BBX: variants seen among roughly 807,000 people sequenced by gnomAD.
BBX encodes BBX high mobility group box domain containing, also known as HMG box transcription factor BBX.
A neutral mutation model predicts 100.2 loss-of-function variants in BBX; 30 were observed. The ratio of observed to expected loss-of-function variants is 0.30; its 90% CI spans 0.22 to 0.41. BBX has a LOEUF of 0.41. Ranked by LOEUF, BBX falls within the 10% of genes least tolerant of loss-of-function variation. BBX has a pLI of 1.00. For synonymous variants in BBX, 376 were observed against 388.1 expected, an observed-to-expected ratio of 0.97 and a Z score of 0.37; for missense variants, 1,023 against 1,129.8, an observed-to-expected ratio of 0.91 and a Z score of 1.35.
chr3:107,676,939 C>A (rs2059310990), intron 3 of BBX, among the ~76,000 whole-genome samples: 1 of 151,922 alleles, frequency 6.6e-6, no homozygotes, highest in South Asian at 2.1e-4. Context: ...TTAGCATTAT[C>A]CTGAAGCATT....
chr3:107,566,613 T>C (rs2050938720), intron 2 of BBX, among the ~76,000 whole-genome samples: 1 of 151,666 alleles, frequency 6.6e-6, no homozygotes, highest in Admixed American at 6.6e-5. Context: ...ATTTTTCCTA[T>C]GGTGGTTTTG....
At chr3:107,710,026 G>A (rs2061619680) in intron 3 of BBX, among the ~76,000 whole-genome samples, 1 of 152,222 alleles carries the variant, frequency 6.6e-6, no homozygotes, top group African/African-American at 2.4e-5. Context: ...AATGCCTGGG[G>A]GGCAAGCCCC....
intron 7 of BBX, among the ~76,000 whole-genome samples, chr3:107,734,750 G>T (rs1028833258): frequency 1.3e-5 from 2 of 152,098 alleles, no homozygotes; most frequent in Non-Finnish European, 2.9e-5. Context: ...GAAAAGCATG[G>T]TTTCTTTTTC....
intron 1 of BBX, chr3:107,523,789 C>G (rs1387908173): frequency 6.6e-6 from 1 of 152,478 alleles, no homozygotes; most frequent in Non-Finnish European, 1.5e-5. Flanking sequence ...GGAACAGCAG[C>G]CCAGTTGCTC....
chr3:107,609,537 G>A (rs925862886), intron 2 of BBX, among the ~76,000 whole-genome samples: 4 of 151,930 alleles, frequency 2.6e-5, no homozygotes, highest in Admixed American at 2.0e-4. Flanking sequence ...ACTTTATTAT[G>A]GCTTTGATCT....
chr3:107,623,781 A>C (rs1400079301), intron 2 of BBX, among the ~76,000 whole-genome samples: 4 of 152,196 alleles, frequency 2.6e-5, no homozygotes, highest in Admixed American at 2.0e-4. Context: ...AAAAAGATAA[A>C]ACATAAATAC....
At chr3:107,649,296 C>A (rs2057703117) in intron 3 of BBX, among the ~76,000 whole-genome samples, 1 of 152,058 alleles carries the variant, frequency 6.6e-6, no homozygotes, top group African/African-American at 2.4e-5. Flanking sequence ...TCAACATCTG[C>A]ATATCTTAAA....
chr3:107,723,304 G>A (rs1038542209), intron 5 of BBX, among the ~76,000 whole-genome samples: 1 of 151,968 alleles, frequency 6.6e-6, no homozygotes, highest in Non-Finnish European at 1.5e-5. Context: ...AGAACAGTTG[G>A]TAAGTCTATC....
chr3:107,777,856 A>T (rs763400829), intron 12 of BBX, among the ~76,000 whole-genome samples: 6 of 152,094 alleles, frequency 3.9e-5, no homozygotes, highest in Non-Finnish European at 8.8e-5. Context: ...TAGTCAGTAC[A>T]TTTTTTTAAA....
intron 2 of BBX, among the ~76,000 whole-genome samples, chr3:107,537,286 A>G (rs2048563976): frequency 6.6e-6 from 1 of 152,234 alleles, no homozygotes; most frequent in African/African-American, 2.4e-5. Flanking sequence ...TCAGCTATGT[A>G]ACATATCTGA....
intron 9 of BBX, among the ~76,000 whole-genome samples, chr3:107,748,447 C>T (rs1424672233): frequency 6.6e-6 from 1 of 152,186 alleles, no homozygotes; most frequent in East Asian, 1.9e-4. Flanking sequence ...GTGGTGAATA[C>T]GACCTGTTAA....
chr3:107,752,839 A>C (rs1339516656), intron 9 of BBX, among the ~76,000 whole-genome samples: 1 of 152,216 alleles, frequency 6.6e-6, no homozygotes, highest in African/African-American at 2.4e-5. Flanking sequence ...CTACCAACCT[A>C]GCAAACACAC....
At chr3:107,671,315 A>C (rs1411677773) in intron 3 of BBX, among the ~76,000 whole-genome samples, 2 of 152,062 alleles carry the variant, frequency 1.3e-5, no homozygotes, top group Admixed American at 1.3e-4. Context: ...TGTAACTTGA[A>C]GTTCTGAAAT....
In BBX at chr3:107,560,962, G is replaced by A. The variant is rs1273779032; in HGVS notation, c.-84+34564G>A. Among the ~76,000 whole-genome samples, 5 of 152,176 alleles carry A rather than the reference G, an allele frequency of 3.3e-5. No homozygotes were observed. In the East Asian group the frequency reaches 9.6e-4, roughly 29 times the overall value. The stretch of plus-strand genomic sequence containing the variant: ...TACTATTGATATTTTAGTTTGGAGA[G>A]TCCTTTGTTGTGGAAGGCTGTCCTG... On this transcript the variant is annotated intron_variant, in intron 2 of 17. Transcript: ENST00000325805.
intron 2 of BBX, among the ~76,000 whole-genome samples, chr3:107,547,411 A>G (rs1458423201): frequency 6.6e-6 from 1 of 152,156 alleles, no homozygotes; most frequent in African/African-American, 2.4e-5. Flanking sequence ...ACCTAGTTCA[A>G]TACCTACTAA....
At chr3:107,724,679 T>G (rs1242825539) in intron 5 of BBX, among the ~76,000 whole-genome samples, 16 of 152,120 alleles carry the variant, frequency 1.1e-4, no homozygotes, top group Non-Finnish European at 1.9e-4. Flanking sequence ...TTTCCCCATT[T>G]CTTGTTTTTC....
intron 3 of BBX, among the ~76,000 whole-genome samples, chr3:107,681,270 G>T (rs748532503): frequency 1.3e-5 from 2 of 152,144 alleles, no homozygotes; most frequent in Non-Finnish European, 2.9e-5. Flanking sequence ...GATGAGTCTT[G>T]TATGTTCCTG....
chr3:107,622,683 T>C (rs916155469), intron 2 of BBX, among the ~76,000 whole-genome samples: 7 of 152,228 alleles, frequency 4.6e-5, no homozygotes, highest in African/African-American at 1.7e-4. Context: ...GAGTGTCTTT[T>C]TTCTGTGCAA....
chr3:107,588,350 G>C (rs1466465352), intron 2 of BBX, among the ~76,000 whole-genome samples: 1 of 149,704 alleles, frequency 6.7e-6, no homozygotes, highest in Non-Finnish European at 1.5e-5. Flanking sequence ...GGGGCCTGGA[G>C]CAGGGGGTGA....
Sources: allele counts gnomAD v4.1 joint callset (sites outside exome capture counted in the v4.1 genomes callset), GRCh38; gene constraint gnomAD v4.1.1; transcripts MANE v1.5; gene names NCBI Gene and HGNC (gene_info 2026-07-23, HGNC 2026-07-21).